SPATA31E1: variants seen among roughly 807,000 people sequenced by gnomAD.
SPATA31E1 encodes spermatogenesis-associated protein 31E1.
A neutral mutation model predicts 12.9 loss-of-function variants in SPATA31E1; 7 were observed. The observed-to-expected ratio is 0.54, with a 90% CI of 0.31 to 1.02. The LOEUF (loss-of-function observed/expected upper bound fraction) is 1.02, where lower values mean the gene tolerates loss of function less well. Among genes scored for constraint, SPATA31E1 ranks in the 50% least tolerant of loss-of-function variants. The pLI, the probability that SPATA31E1 is intolerant of heterozygous loss-of-function variation, is 0.05. For synonymous variants in SPATA31E1, 771 were observed against 719.0 expected, an observed-to-expected ratio of 1.07 and a Z score of -1.16; for missense variants, 1,961 against 1,799.8, an observed-to-expected ratio of 1.09 and a Z score of -1.62.
rs773524508 is a variant in SPATA31E1 at position 87,888,323 on chromosome 9, G to A, written c.3836G>A (p.Gly1279Glu). The change falls in exon 4 of 4, where the codon GGA (glycine) becomes GAA (glutamate). Residue 1279 changes from glycine (G) to glutamate (E), a missense_variant. Physicochemically the swap from Gly to Glu is moderately conservative, Grantham distance 98. Transcript: ENST00000325643. ...CCACAGGGTCTACACCCCAGGAAAG[G>A]AGGCACACGGTGGGAAGATGTCCTG... The part of the protein sequence containing the change: ...HHPQGLHPRK[G>E]GTRWEDVLQK... The A allele has an allele frequency of 5.0e-6, 8 of 1,614,076 alleles. No homozygotes were observed. In the South Asian group the frequency reaches 8.8e-5, roughly 18 times the overall value.
chr9:87,884,880 C>A, intron 3 of SPATA31E1, 33 bp from the exon 4 acceptor site: 1 of 1,578,082 alleles, frequency 6.3e-7, no homozygotes, highest in South Asian at 1.2e-5. Flanking sequence ...CCATCTACCC[C>A]TGGCTGCAGC....
Position 87,885,711 on chromosome 9 carries a change from C to T in SPATA31E1, c.1224C>T (p.Asn408=), listed in dbSNP as rs768709763. 5 of 1,613,722 alleles carry T rather than the reference C, an allele frequency of 3.1e-6. No homozygotes were observed. Among genetic ancestry groups the T allele is most frequent in the East Asian group, 2.2e-5 (1 of 44,866 alleles). ...WDITTLNPFW[N]VSTQPQQLPR... ...TCACGACCCTAAATCCCTTCTGGAA[C>T]GTGTCAACCCAGCCACAGCAGCTGC... The change falls in exon 4 of 4, where the codon AAC becomes AAT. Residue 408 remains asparagine (N), a synonymous_variant. Coordinates refer to ENST00000325643, the MANE Select transcript of SPATA31E1 (RefSeq NM_178828.5).
Position 87,888,144 on chromosome 9 carries a change from C to T in SPATA31E1, c.3657C>T (p.Ser1219=), listed in dbSNP as rs2117895865. The change falls in exon 4 of 4, where the codon TCC becomes TCT. Residue 1219 remains serine, a synonymous_variant. Transcript: ENST00000325643. ...GAACAGGGGAGCAGGGACACAGGTC[C>T]AAGGGACCCAGGACCTCTGAAGCCA... ...RPRTGEQGHR[S]KGPRTSEASG... is the part of the protein sequence containing the mutation. 1 of 1,610,920 alleles carries T rather than the reference C, an allele frequency of 6.2e-7. No homozygotes were observed. Among genetic ancestry groups the T allele is most frequent in the East Asian group, 2.2e-5 (1 of 44,754 alleles).
Position 87,886,791 on chromosome 9 carries a change from T to C in SPATA31E1, c.2304T>C (p.His768=). The change falls in exon 4 of 4, where the codon CAT becomes CAC. Residue 768 remains histidine, a synonymous_variant. Transcript: ENST00000325643. ...KEHLENKLQI[H]LARKVGEIKE... The stretch of plus-strand genomic sequence containing the variant: ...ATCTGGAAAACAAGCTGCAAATCCA[T>C]CTGGCCAGGAAGGTAGGGGAGATCA... 1 of 1,614,022 alleles carries C rather than the reference T, an allele frequency of 6.2e-7. No homozygotes were observed. The highest frequency in any genetic ancestry group is 8.5e-7 in the Non-Finnish European group (1 of 1,180,012).
In SPATA31E1 at chr9:87,886,192, T is replaced by C. The variant is rs201364851; in HGVS notation, c.1705T>C (p.Trp569Arg). ...CCCCACTGGAAAGGAGTATCTTGAA[T>C]GGCCCTTGAAGAAGCGACCAAAGTG... ...VIPTGKEYLE[W>R]PLKKRPKWKR... is the part of the protein sequence containing the mutation. Residue 569 changes from tryptophan (W) to arginine (R), a missense_variant, in exon 4 of 4, where the codon TGG becomes CGG. Trp to Arg is a moderately radical substitution (Grantham distance 101). Transcript: ENST00000325643. 81 of 1,611,912 alleles carry C rather than the reference T, an allele frequency of 5.0e-5. No individual in the cohort carries two copies. The East Asian group carries it at 1.7e-3, about 35-fold the overall frequency.
In SPATA31E1 at chr9:87,887,397, C is replaced by G; in HGVS notation, c.2910C>G (p.Thr970=). The stretch of plus-strand genomic sequence containing the variant: ...CAACATGCAGCCTTGTGGGCAGAAC[C>G]TGGCAGAGCAGGACTGTCCTGGAAT... ...QPPTCSLVGR[T]WQSRTVLESG... Residue 970 remains threonine (T), a synonymous_variant, in exon 4 of 4, where the codon ACC becomes ACG. Transcript: ENST00000325643. 6.2e-7 allele frequency: 1 copy of G among 1,613,824 alleles called. No homozygotes were observed.
In SPATA31E1 at chr9:87,885,693, C is replaced by T. The variant is rs772505474; in HGVS notation, c.1206C>T (p.Thr402=). 2 of 1,613,762 alleles carry T rather than the reference C, an allele frequency of 1.2e-6. No homozygotes were observed. Among genetic ancestry groups the T allele is most frequent in the Non-Finnish European group, 1.7e-6 (2 of 1,180,034 alleles). ...TSLGKEWDIT[T]LNPFWNVSTQ... ...TGGGGAAGGAGTGGGACATCACGAC[C>T]CTAAATCCCTTCTGGAACGTGTCAA... The change falls in exon 4 of 4, where the codon ACC becomes ACT. Residue 402 remains threonine (T), a synonymous_variant. Coordinates refer to ENST00000325643, the MANE Select transcript of SPATA31E1 (RefSeq NM_178828.5).
rs1445384594 is a variant in SPATA31E1, at chr9:87,888,473, A to G, written c.3986A>G (p.Asp1329Gly). Residue 1329 changes from aspartate to glycine, a missense_variant, in exon 4 of 4, where the codon GAC (aspartate) becomes GGC (glycine). Transcript: ENST00000325643. ...ISRVVGQILVDKLGLQWGRGP... is the reference protein window; with the variant it reads ...ISRVVGQILVGKLGLQWGRGP... ...AGAGTTGTGGGACAAATCCTGGTGG[A>G]CAAACTGGGGCTTCAGTGGGGACGA... 1 of 1,614,170 alleles carries G rather than the reference A, an allele frequency of 6.2e-7. No individual in the cohort carries two copies. The highest frequency in any genetic ancestry group is 2.2e-5 in the East Asian group (1 of 44,870).
At position 87,885,901 on chromosome 9, in the gene SPATA31E1, G is replaced by C; in HGVS notation, c.1414G>C (p.Asp472His). ...ACAGAATGCACACTCTGTACCACTGGATAAAGCCTCCACTTCTCTTCCAGG... is the reference window on the plus strand; with the variant it reads ...ACAGAATGCACACTCTGTACCACTGCATAAAGCCTCCACTTCTCTTCCAGG... ...SSQNAHSVPLDKASTSLPGEP... is the reference protein window; with the variant it reads ...SSQNAHSVPLHKASTSLPGEP... Residue 472 changes from aspartate (D) to histidine (H), a missense_variant, in exon 4 of 4, where the codon GAT becomes CAT. Physicochemically the swap from Asp to His is moderately conservative, Grantham distance 81. Coordinates refer to ENST00000325643, the MANE Select transcript of SPATA31E1 (RefSeq NM_178828.5). 5 of 1,613,956 alleles carry C rather than the reference G, an allele frequency of 3.1e-6. No individual in the cohort carries two copies. Among genetic ancestry groups the C allele is most frequent in the Non-Finnish European group, 4.2e-6 (5 of 1,180,010 alleles).
Position 87,888,439 on chromosome 9 carries a change from A to C in SPATA31E1, c.3952A>C (p.Thr1318Pro). 3 of 1,613,828 alleles carry C rather than the reference A, an allele frequency of 1.9e-6. No individual in the cohort carries two copies. Among genetic ancestry groups the C allele is most frequent in the South Asian group, 2.2e-5 (2 of 91,078 alleles). Residue 1318 changes from threonine (T) to proline (P), a missense_variant, in exon 4 of 4, where the codon ACC becomes CCC. Physicochemically the swap from Thr to Pro is conservative, Grantham distance 38 (BLOSUM62 -1). Transcript: ENST00000325643. ...GGACTGCATGGCTGACAAAGCCTGG[A>C]CCATCAGCAGAGTTGTGGGACAAAT... ...FMDCMADKAW[T>P]ISRVVGQILV...
chr9:87,884,736 G>A, intron 3 of SPATA31E1, 85 bp downstream of exon 3: 2 of 1,571,512 alleles, frequency 1.3e-6, no homozygotes, highest in Non-Finnish European at 1.7e-6. Flanking sequence ...GATCTGGGAG[G>A]GGGAGGTCCC....
Position 87,885,389 on chromosome 9 carries a change from A to G in SPATA31E1, c.902A>G (p.Asp301Gly), listed in dbSNP as rs768944256. 6.2e-7 allele frequency: 1 copy of G among 1,613,766 alleles called. No individual in the cohort carries two copies. The highest frequency in any genetic ancestry group is 1.1e-5 in the South Asian group (1 of 91,046). Residue 301 changes from aspartate to glycine, a missense_variant, in exon 4 of 4, where the codon GAT (aspartate) becomes GGT (glycine). Transcript: ENST00000325643. ...ATCTCTGGCCTGGGGTGCTCCAGCG[A>G]TCCCATCTGGGACCTCTATTGCTGG... ...RVISGLGCSS[D>G]PIWDLYCWRE...
rs762978122 is a variant in SPATA31E1, at chr9:87,887,272, G to A, written c.2785G>A (p.Gly929Arg). ...PLAAPPPEQE[G>R]VQRPPRGSQS... is the part of the protein sequence containing the mutation. ...CGCTGCCCCACCGCCTGAGCAGGAGGGAGTCCAGAGGCCCCCGAGAGGGTC... is the reference window on the plus strand; with the variant it reads ...CGCTGCCCCACCGCCTGAGCAGGAGAGAGTCCAGAGGCCCCCGAGAGGGTC... Residue 929 changes from glycine to arginine, a missense_variant, in exon 4 of 4, where the codon GGA becomes AGA. Physicochemically the swap from Gly to Arg is moderately radical, Grantham distance 125. Transcript: ENST00000325643. The A allele has an allele frequency of 5.5e-5, 88 of 1,613,828 alleles. No homozygotes were observed. In the South Asian group the frequency reaches 9.3e-4, roughly 17 times the overall value.
In SPATA31E1 at chr9:87,888,474, C is replaced by G. The variant is rs1828329715; in HGVS notation, c.3987C>G (p.Asp1329Glu). The G allele has an allele frequency of 1.2e-6, 2 of 1,614,038 alleles. No individual in the cohort carries two copies. Among genetic ancestry groups the G allele is most frequent in the Admixed American group, 1.7e-5 (1 of 60,004 alleles). Residue 1329 changes from aspartate (D) to glutamate (E), a missense_variant, in exon 4 of 4, where the codon GAC becomes GAG. By Grantham distance (45) the Asp-to-Glu change is conservative (BLOSUM62 2). Transcript: ENST00000325643. ...GAGTTGTGGGACAAATCCTGGTGGA[C>G]AAACTGGGGCTTCAGTGGGGACGAG... is the stretch of plus-strand genomic sequence containing the variant. ...ISRVVGQILV[D>E]KLGLQWGRGP...
In SPATA31E1 at chr9:87,885,478, C is replaced by CT; in HGVS notation, c.993dup (p.Pro332SerfsTer29). 1 of 1,614,080 alleles carries CT rather than the reference C, an allele frequency of 6.2e-7. No homozygotes were observed. Among genetic ancestry groups the CT allele is most frequent in the Non-Finnish European group, 8.5e-7 (1 of 1,179,964 alleles). ...ACATGGCAAATCCCAGCCACGGCAT[C>CT]TTCCCGACCACACCTCAGAGGCTTC... On this transcript the variant is annotated frameshift_variant, in exon 4 of 4. Transcript: ENST00000325643. LOFTEE classifies it low-confidence loss of function (END_TRUNC).
chr9:87,884,732 G>A (rs1828232393), intron 3 of SPATA31E1, 81 bp downstream of exon 3: 1 of 1,575,534 alleles, frequency 6.3e-7, no homozygotes, highest in South Asian at 1.1e-5. Context: ...TGGTGATCTG[G>A]GAGGGGGAGG....
rs1021011877 is a variant in SPATA31E1 at position 87,885,264 on chromosome 9, C to T, written c.777C>T (p.Pro259=). The T allele has an allele frequency of 4.3e-6, 7 of 1,614,004 alleles. No homozygotes were observed. Among genetic ancestry groups the T allele is most frequent in the African/African-American group, 4.0e-5 (3 of 74,922 alleles). ...CCCTGGCCTCCTCTCCACCTCCACC[C>T]GACTCCAGCCTGGCTGGACTTCAGT... ...HGPLASSPPP[P]DSSLAGLQCG... The change falls in exon 4 of 4, where the codon CCC becomes CCT. Residue 259 remains proline (P), a synonymous_variant. Coordinates refer to ENST00000325643, the MANE Select transcript of SPATA31E1 (RefSeq NM_178828.5).
At chr9:87,884,158 C>A in intron 2 of SPATA31E1, 112 bp downstream of exon 2, 1 of 1,305,512 alleles carries the variant, frequency 7.7e-7, no homozygotes, top group Non-Finnish European at 1.1e-6. Flanking sequence ...GAAATCAGAA[C>A]CTGCGGCCTC....
rs534832110 is a variant in SPATA31E1, at chr9:87,885,595, G to A, written c.1108G>A (p.Ala370Thr). Residue 370 changes from alanine to threonine, a missense_variant, in exon 4 of 4, where the codon GCC becomes ACC. Coordinates refer to ENST00000325643, the MANE Select transcript of SPATA31E1 (RefSeq NM_178828.5). ...DVQKLLETLI[A>T]KRALMKMWQE... is the part of the protein sequence containing the mutation. ...GCAGAAGCTGCTGGAGACCCTCATCGCCAAGAGAGCACTGATGAAGATGTG... is the reference window on the plus strand; with the variant it reads ...GCAGAAGCTGCTGGAGACCCTCATCACCAAGAGAGCACTGATGAAGATGTG... 9.3e-6 allele frequency: 15 copies of A among 1,614,034 alleles called. No homozygotes were observed. The highest frequency in any genetic ancestry group is 2.2e-5 in the East Asian group (1 of 44,852).
Sources: allele counts gnomAD v4.1 joint callset, GRCh38; gene constraint gnomAD v4.1.1; transcripts MANE v1.5; gene names NCBI Gene and HGNC (gene_info 2026-07-23, HGNC 2026-07-21).